Variants in CNTNAP5 observed in about 807,000 individuals in gnomAD.
CNTNAP5 encodes contactin-associated protein-like 5.
A neutral mutation model predicts 150.2 loss-of-function variants in CNTNAP5; 72 were observed. That is an observed-to-expected ratio of 0.48 (90% CI 0.40 to 0.58). The LOEUF is 0.58. Among genes scored for constraint, CNTNAP5 ranks in the 20% least tolerant of loss-of-function variants. The pLI, the probability that CNTNAP5 is intolerant of heterozygous loss-of-function variation, is 0.00. For missense variants in CNTNAP5, 1,636 were observed against 1,626.2 expected (o/e 1.01, Z -0.10); for synonymous variants, 672 against 619.8 (o/e 1.08, Z -1.25).
At chr2:124,815,864 T>C (rs1196280650) in intron 19 of CNTNAP5, among the ~76,000 whole-genome samples, 1 of 152,180 alleles carries the variant, frequency 6.6e-6, no homozygotes, top group Non-Finnish European at 1.5e-5. Flanking sequence ...GACACGATAT[T>C]CAACTTCAGC....
intron 1 of CNTNAP5, among the ~76,000 whole-genome samples, chr2:124,169,528 A>C (rs1684884142): frequency 6.6e-6 from 1 of 152,210 alleles, no homozygotes; most frequent in Non-Finnish European, 1.5e-5. Flanking sequence ...GTGAACTTTC[A>C]AGGAATGCTG....
chr2:124,223,805 G>T (rs1004445924), intron 2 of CNTNAP5, among the ~76,000 whole-genome samples: 5 of 151,474 alleles, frequency 3.3e-5, no homozygotes, highest in African/African-American at 1.2e-4. Context: ...TGTACAGAGA[G>T]GTTCACTTTT....
intron 11 of CNTNAP5, among the ~76,000 whole-genome samples, chr2:124,586,777 A>G (rs56213137): frequency 0.21 from 31,833 of 152,172 alleles, 3,563 homozygotes; most frequent in Non-Finnish European, 0.25. Context: ...GCAACCTCCA[A>G]CTGTGTTTGG....
At chr2:124,386,423 C>A (rs1468647064) in intron 3 of CNTNAP5, among the ~76,000 whole-genome samples, 1 of 152,198 alleles carries the variant, frequency 6.6e-6, no homozygotes, top group African/African-American at 2.4e-5. Flanking sequence ...CTGTAACATA[C>A]CTGCAGAGAC....
At position 124,446,817 on chromosome 2, in the gene CNTNAP5, C is replaced by G. The variant is rs774547650; in HGVS notation, c.798C>G (p.Asp266Glu). Residue 266 changes from aspartate (D) to glutamate (E), a missense_variant, in exon 6 of 24, where the codon GAC (aspartate) becomes GAG (glutamate). By Grantham distance (45) the Asp-to-Glu change is conservative (BLOSUM62 2). Transcript: ENST00000682447. Reference sequence around the variant, plus strand: ...CCACCCTGGGCAGCCTCCTGGATGACCAGCACTGGCACTCGGTCCTCATTG... The same window carrying G: ...CCACCCTGGGCAGCCTCCTGGATGAGCAGCACTGGCACTCGGTCCTCATTG... Reference protein sequence around the residue: ...PSATLGSLLDDQHWHSVLIER... With the variant: ...PSATLGSLLDEQHWHSVLIER... 1.9e-6 allele frequency: 3 copies of G among 1,613,896 alleles called. No individual in the cohort carries two copies. Among genetic ancestry groups the G allele is most frequent in the Non-Finnish European group, 2.5e-6 (3 of 1,179,832 alleles).
chr2:124,688,921 G>A (rs1558736316), intron 13 of CNTNAP5, among the ~76,000 whole-genome samples: 1 of 152,050 alleles, frequency 6.6e-6, no homozygotes, highest in Non-Finnish European at 1.5e-5. Flanking sequence ...AAAATAAAAG[G>A]TGAGGAAAAC....
At position 124,860,445 on chromosome 2, in the gene CNTNAP5, TTCCTTCTTTCCTTCCTTCCTTCC is replaced by T. The variant is rs1558803793; in HGVS notation, c.3218-4859_3218-4837del. ...CTTCCTTCCTTCCTTCCTTCCTTCCTTCCTTCTTTCCTTCCTTCCTTCCTTCCTTCCTTCCTTCCTTCCTTCCT... is the reference window on the plus strand; with the variant it reads ...CTTCCTTCCTTCCTTCCTTCCTTCCTTTCCTTCCTTCCTTCCTTCCTTCCT... On this transcript the variant is annotated intron_variant, in intron 19 of 23. Coordinates refer to ENST00000682447, the MANE Select transcript of CNTNAP5 (RefSeq NM_001367498.1). Among the ~76,000 whole-genome samples, 24 of 114,548 alleles carry T rather than the reference TTCCTTCTTTCCTTCCTTCCTTCC, an allele frequency of 2.1e-4. 1 individual carries two copies. The highest frequency in any genetic ancestry group is 8.8e-4 in the African/African-American group (22 of 24,896). 75.1% of individuals were successfully genotyped at this position (114,548 alleles called of 152,430 possible).
chr2:124,505,446 C>A (rs1694380962), intron 8 of CNTNAP5, among the ~76,000 whole-genome samples: 1 of 151,958 alleles, frequency 6.6e-6, no homozygotes, highest in East Asian at 1.9e-4. Context: ...AATTTAAAAC[C>A]ATTTAAAAAA....
intron 2 of CNTNAP5, among the ~76,000 whole-genome samples, chr2:124,234,411 G>A (rs371044665): frequency 6.6e-6 from 1 of 152,140 alleles, no homozygotes; most frequent in Non-Finnish European, 1.5e-5. Context: ...CGGCTACTAA[G>A]TATTTAAACG....
chr2:124,728,568 T>C (rs1680207468), intron 13 of CNTNAP5, among the ~76,000 whole-genome samples: 1 of 152,098 alleles, frequency 6.6e-6, no homozygotes, highest in African/African-American at 2.4e-5. Context: ...TCAATGAATG[T>C]AAAATATCTT....
rs139571885 is a variant in CNTNAP5, at chr2:124,835,511, A to G, written c.3218-29795A>G. 9.4e-3 allele frequency among the ~76,000 whole-genome samples: 1,434 copies of G among 152,258 alleles called. 4 individuals carry two copies. Among genetic ancestry groups the G allele is most frequent in the Non-Finnish European group, 0.014 (981 of 68,010 alleles). On this transcript the variant is annotated intron_variant, in intron 19 of 23. Transcript: ENST00000682447. ...ATGCAGGGGCAGTTGCTTGGAAGTT[A>G]GGACCCTCCAGAGTGGCGACATCCA...
chr2:124,887,291 C>G (rs1464491286), intron 21 of CNTNAP5, among the ~76,000 whole-genome samples: 6 of 152,016 alleles, frequency 3.9e-5, no homozygotes, highest in Non-Finnish European at 8.8e-5. Context: ...TGTGCTTTGT[C>G]TATGCTTCTA....
chr2:124,765,842 G>T lies in CNTNAP5; in HGVS notation c.2533+1695G>T, dbSNP rs528824926. Among the ~76,000 whole-genome samples the T allele has an allele frequency of 7.2e-5, 11 of 152,056 alleles. No homozygotes were observed. The East Asian group carries it at 2.1e-3, about 30-fold the overall frequency. ...GTGGTGCCAGGTGCCTGTAATCCCAGCTGCTCAGGAGGCTGAGGCAGGAGA... is the reference window on the plus strand; with the variant it reads ...GTGGTGCCAGGTGCCTGTAATCCCATCTGCTCAGGAGGCTGAGGCAGGAGA... On this transcript the variant is annotated intron_variant, in intron 16 of 23. Coordinates refer to ENST00000682447, the MANE Select transcript of CNTNAP5 (RefSeq NM_001367498.1).
intron 13 of CNTNAP5, among the ~76,000 whole-genome samples, chr2:124,713,772 C>G (rs779460102): frequency 6.6e-6 from 1 of 152,140 alleles, no homozygotes; most frequent in Non-Finnish European, 1.5e-5. Context: ...AAAACAGAAA[C>G]CTGATCTTCT....
intron 3 of CNTNAP5, among the ~76,000 whole-genome samples, chr2:124,257,643 A>C (rs1391884268): frequency 6.6e-6 from 1 of 152,136 alleles, no homozygotes; most frequent in East Asian, 1.9e-4. Context: ...TCCTTTGCAC[A>C]TCTGCACTCC....
intron 5 of CNTNAP5, among the ~76,000 whole-genome samples, chr2:124,435,834 C>T (rs560777813): frequency 6.6e-5 from 10 of 152,114 alleles, no homozygotes; most frequent in East Asian, 1.9e-4. Flanking sequence ...CTATAGGCAG[C>T]GGTAGCAGAA....
chr2:124,824,153 G>A (rs866834706), intron 19 of CNTNAP5, among the ~76,000 whole-genome samples: 2 of 151,818 alleles, frequency 1.3e-5, no homozygotes, highest in South Asian at 2.1e-4. Flanking sequence ...CTTGACCTTA[G>A]GTGATCTGCC....
intron 1 of CNTNAP5, among the ~76,000 whole-genome samples, chr2:124,123,430 C>T (rs1019672208): frequency 1.3e-4 from 20 of 152,240 alleles, no homozygotes; most frequent in East Asian, 5.8e-4. Context: ...TGGAGTCCAC[C>T]GCAGCTCAAG....
chr2:124,650,789 A>G (rs1158795784), intron 13 of CNTNAP5, among the ~76,000 whole-genome samples: 1 of 152,176 alleles, frequency 6.6e-6, no homozygotes, highest in Non-Finnish European at 1.5e-5. Context: ...TTAACTATAG[A>G]GTATTTTATT....
Sources: allele counts gnomAD v4.1 joint callset (sites outside exome capture counted in the v4.1 genomes callset), GRCh38; gene constraint gnomAD v4.1.1; transcripts MANE v1.5; gene names NCBI Gene and HGNC (gene_info 2026-07-23, HGNC 2026-07-21).